PCDH15: variants seen among roughly 807,000 people sequenced by gnomAD.
PCDH15 encodes the protein protocadherin-15.
Under a neutral mutation model 178.5 loss-of-function variants are expected in PCDH15, and 129 were observed. The observed-to-expected ratio is 0.72, with a 90% CI of 0.63 to 0.84. PCDH15 has a LOEUF of 0.84. PCDH15 is among the 40% of genes least tolerant of loss of function. The pLI, the probability that PCDH15 is intolerant of heterozygous loss-of-function variation, is 0.00. For missense variants in PCDH15, 2,230 were observed against 2,099.9 expected (o/e 1.06, Z -1.21); for synonymous variants, 800 against 732.0 (o/e 1.09, Z -1.50).
intron 1 of PCDH15, among the ~76,000 whole-genome samples, chr10:54,715,553 C>G (rs2095470571): frequency 1.3e-5 from 2 of 152,126 alleles, no homozygotes; most frequent in African/African-American, 4.8e-5. Context: ...AAGCCACCCC[C>G]TGATGGCGTT....
chr10:54,678,971 A>C (rs1178288455), intron 1 of PCDH15, among the ~76,000 whole-genome samples: 1 of 152,042 alleles, frequency 6.6e-6, no homozygotes, highest in Non-Finnish European at 1.5e-5. Flanking sequence ...CGGGCGGATC[A>C]CGAGGTCAGG....
At chr10:54,719,852 T>C (rs554010309) in intron 1 of PCDH15, among the ~76,000 whole-genome samples, 1 of 149,194 alleles carries the variant, frequency 6.7e-6, no homozygotes. Context: ...CCAAATGACA[T>C]GATCTCATTC....
intron 3 of PCDH15, among the ~76,000 whole-genome samples, chr10:54,837,511 A>C (rs1221882869): frequency 6.6e-6 from 1 of 152,206 alleles, no homozygotes; most frequent in Non-Finnish European, 1.5e-5. Context: ...AATTGAACTT[A>C]ATTGTTGTAA....
rs780236991 is a variant in PCDH15 at position 54,267,544 on chromosome 10, ACG to A, written c.877-30615_877-30614del. Among the ~76,000 whole-genome samples the A allele has an allele frequency of 9.0e-3, 1,368 of 151,950 alleles. 13 individuals are homozygous for A. Among genetic ancestry groups the A allele is most frequent in the Middle Eastern group, 0.02 (6 of 294 alleles). ...AAAACCCTAATGATTCTGACCAAAG[ACG>A]CCTAAAGTTGATTAAAAATTTCAGT... On this transcript the variant is annotated intron_variant, in intron 8 of 37. Coordinates refer to ENST00000644397, the MANE Select transcript of PCDH15 (RefSeq NM_001384140.1).
At chr10:55,532,631 T>C (rs2132065160) in intron 2 of PCDH15, among the ~76,000 whole-genome samples, 1 of 152,170 alleles carries the variant, frequency 6.6e-6, no homozygotes, top group African/African-American at 2.4e-5. Flanking sequence ...ATGAAGCAGC[T>C]TTGTGTTCTG....
chr10:55,151,586 C>T (rs995209452), intron 2 of PCDH15, among the ~76,000 whole-genome samples: 1 of 152,026 alleles, frequency 6.6e-6, no homozygotes, highest in East Asian at 1.9e-4. Context: ...TAAGATGATA[C>T]TTCACTGTCT....
At chr10:53,933,449 T>C (rs553650180) in intron 25 of PCDH15, among the ~76,000 whole-genome samples, 1,726 of 151,666 alleles carry the variant, frequency 0.011, 35 homozygotes, top group African/African-American at 0.04. Context: ...TTGTGATAGT[T>C]TGCTGAGAAT....
rs1278568217 is a variant in PCDH15 at position 54,511,311 on chromosome 10, A to G, written c.157+16501T>C. 2.0e-5 allele frequency among the ~76,000 whole-genome samples: 3 copies of G among 152,204 alleles called. No homozygotes were observed. In the East Asian group the frequency reaches 5.8e-4, roughly 30 times the overall value. Reference sequence around the variant, plus strand: ...AAGGTGGTAACAGATATGGGTTACAATTATTGTCCCCATGGACTCTAATTT... The same window carrying G: ...AAGGTGGTAACAGATATGGGTTACAGTTATTGTCCCCATGGACTCTAATTT... On this transcript the variant is annotated intron_variant, in intron 3 of 37. Transcript: ENST00000644397.
At chr10:54,036,301 A>T (rs1166077412) in intron 18 of PCDH15, among the ~76,000 whole-genome samples, 1 of 151,968 alleles carries the variant, frequency 6.6e-6, no homozygotes, top group Admixed American at 6.6e-5. Context: ...GAACTTCCGT[A>T]ACTTAAAACA....
chr10:54,183,349 T>A, intron 13 of PCDH15, 95 bp downstream of exon 13: 3 of 1,216,652 alleles, frequency 2.5e-6, no homozygotes, highest in Non-Finnish European at 3.6e-6. Flanking sequence ...GTGAAATCAA[T>A]TTCTGTTTCT....
At chr10:54,779,276 T>C (rs967294207) in intron 1 of PCDH15, among the ~76,000 whole-genome samples, 5 of 150,846 alleles carry the variant, frequency 3.3e-5, no homozygotes, top group African/African-American at 1.2e-4. Context: ...GAACTCTGCA[T>C]TGAGGATAAA....
At chr10:53,910,074 G>A (rs560756476) in intron 25 of PCDH15, among the ~76,000 whole-genome samples, 148 of 152,324 alleles carry the variant, frequency 9.7e-4, no homozygotes, top group African/African-American at 3.3e-3. Flanking sequence ...ACCTCTGGGG[G>A]CAGGGCATAG....
At chr10:54,153,669 T>C (rs1456643875) in intron 13 of PCDH15, among the ~76,000 whole-genome samples, 3 of 152,172 alleles carry the variant, frequency 2.0e-5, no homozygotes, top group Non-Finnish European at 1.5e-5. Context: ...CATAAACTCA[T>C]ATTAAAACAG....
chr10:54,660,005 C>G (rs1215995953), intron 2 of PCDH15, among the ~76,000 whole-genome samples: 1 of 151,760 alleles, frequency 6.6e-6, no homozygotes, highest in Non-Finnish European at 1.5e-5. Context: ...ATTAATAATC[C>G]AATATCATAC....
chr10:53,885,048 G>A (rs951072428), intron 26 of PCDH15, among the ~76,000 whole-genome samples: 23 of 152,006 alleles, frequency 1.5e-4, no homozygotes, highest in Non-Finnish European at 3.1e-4. Flanking sequence ...CTTTAATAAT[G>A]AAAAATAAAT....
At chr10:54,556,687 T>C (rs955237738) in intron 2 of PCDH15, among the ~76,000 whole-genome samples, 1 of 151,054 alleles carries the variant, frequency 6.6e-6, no homozygotes, top group African/African-American at 2.4e-5. Flanking sequence ...GCAGGTTAAT[T>C]AGGAAAGTAA....
At chr10:54,353,309 T>C (rs1196161229) in intron 5 of PCDH15, among the ~76,000 whole-genome samples, 1 of 152,178 alleles carries the variant, frequency 6.6e-6, no homozygotes, top group African/African-American at 2.4e-5. Flanking sequence ...AGTTATCTTG[T>C]AATGATTTAT....
At chr10:54,306,862 C>T (rs1319504611) in intron 8 of PCDH15, among the ~76,000 whole-genome samples, 3 of 150,498 alleles carry the variant, frequency 2.0e-5, no homozygotes, top group Non-Finnish European at 4.4e-5. Context: ...CCCTAAAACA[C>T]ATAGGTATGG....
At chr10:55,293,866 G>A (rs1010242976) in intron 1 of PCDH15, among the ~76,000 whole-genome samples, 3 of 152,112 alleles carry the variant, frequency 2.0e-5, no homozygotes, top group African/African-American at 7.2e-5. Context: ...AGCCCTCCAA[G>A]CTGTTCCCAT....
Sources: allele counts gnomAD v4.1 joint callset (sites outside exome capture counted in the v4.1 genomes callset), GRCh38; gene constraint gnomAD v4.1.1; transcripts MANE v1.5; gene names NCBI Gene and HGNC (gene_info 2026-07-23, HGNC 2026-07-21).